Variants in LRP5 observed in about 807,000 individuals in gnomAD.
LRP5 encodes the protein LDL receptor related protein 5, also known as low-density lipoprotein receptor-related protein 5.
In LRP5, 62 loss-of-function variants were observed where a neutral mutation model predicts 154.1. That is an observed-to-expected ratio of 0.40 (90% CI 0.33 to 0.50). LRP5 has a LOEUF of 0.50. Ranked by LOEUF, LRP5 falls within the 20% of genes least tolerant of loss-of-function variation. The pLI is 0.55. For missense variants in LRP5, 1,915 were observed against 2,336.7 expected, an observed-to-expected ratio of 0.82 and a Z score of 3.72; for synonymous variants, 966 against 1,011.5, an observed-to-expected ratio of 0.96 and a Z score of 0.85.
At position 68,369,387 on chromosome 11, in the gene LRP5, G is replaced by A. The variant is rs138778841; in HGVS notation, c.1015+3685G>A. ...TCTGCTGGGGATGTCTGCCTTGGGA[G>A]AGCAATGGGCATGTAGGAAGCAGGT... On this transcript the variant is annotated intron_variant, in intron 5 of 22. Transcript: ENST00000294304. Among the ~76,000 whole-genome samples, 51 of 152,232 alleles carry A rather than the reference G, an allele frequency of 3.4e-4. No homozygotes were observed. In the East Asian group the frequency reaches 7.5e-3, roughly 23 times the overall value.
rs558565856 is a variant in LRP5 at position 68,447,577 on chromosome 11, C to T, written c.4586+1044C>T. On this transcript the variant is annotated intron_variant, in intron 22 of 22. Coordinates refer to ENST00000294304, the MANE Select transcript of LRP5 (RefSeq NM_002335.4). This position sits in a 1 kb window ranked among gnomAD's most constrained non-coding sequence, Gnocchi z 4.3. ...GAATGGTCACATCCACACTGGGCAG[C>T]CCAGTCTCGCTAGTTCCTCGTCCCA... Among the ~76,000 whole-genome samples, 8 of 152,308 alleles carry T rather than the reference C, an allele frequency of 5.3e-5. No individual in the cohort carries two copies. The highest frequency in any genetic ancestry group is 1.3e-4 in the Admixed American group (2 of 15,300).
intron 21 of LRP5, among the ~76,000 whole-genome samples, chr11:68,442,008 G>GCA (rs199671621): frequency 6.6e-6 from 1 of 152,236 alleles, no homozygotes; most frequent in East Asian, 1.9e-4. Flanking sequence ...CGCCAAGCAG[G>GCA]ACTCCCTGGG....
chr11:68,422,782 A>T (rs2098666558), intron 13 of LRP5, among the ~76,000 whole-genome samples: 1 of 87,858 alleles, frequency 1.1e-5, no homozygotes, highest in Non-Finnish European at 2.3e-5. Context: ...CTACCCCCAC[A>T]TCTGTACCGA....
intron 9 of LRP5, among the ~76,000 whole-genome samples, chr11:68,408,001 T>C (rs2098656725): frequency 6.6e-6 from 1 of 152,248 alleles, no homozygotes; most frequent in African/African-American, 2.4e-5. Flanking sequence ...AAAAGTGTGC[T>C]GACCTCTGTT....
intron 1 of LRP5, among the ~76,000 whole-genome samples, chr11:68,320,063 AG>A (rs1433570005): frequency 1.3e-5 from 2 of 152,168 alleles, no homozygotes; most frequent in African/African-American, 4.8e-5. Flanking sequence ...TGAAAGGCTG[AG>A]GTGGGAAAAT....
chr11:68,379,417 C>T (rs1050730954), intron 5 of LRP5, among the ~76,000 whole-genome samples: 15 of 152,170 alleles, frequency 9.9e-5, no homozygotes, highest in Non-Finnish European at 1.8e-4. Flanking sequence ...CTGGGGTCCG[C>T]GGTTCCCGGG....
At chr11:68,350,967 C>G (rs769818985) in intron 2 of LRP5, among the ~76,000 whole-genome samples, 21 of 152,164 alleles carry the variant, frequency 1.4e-4, no homozygotes, top group Non-Finnish European at 2.4e-4. Context: ...TGTGTGCATG[C>G]ATGCGTGTGA....
intron 7 of LRP5, among the ~76,000 whole-genome samples, chr11:68,401,757 C>T (rs909507155): frequency 3.3e-5 from 5 of 152,116 alleles, no homozygotes; most frequent in Non-Finnish European, 7.4e-5. Flanking sequence ...GGCATGATCT[C>T]GGCTCACTGC....
At chr11:68,335,073 G>T (rs938568087) in intron 1 of LRP5, among the ~76,000 whole-genome samples, 1 of 136,196 alleles carries the variant, frequency 7.3e-6, no homozygotes, top group Admixed American at 7.4e-5. Flanking sequence ...ACCTGACCTG[G>T]CTTTTTTTTT....
At chr11:68,327,955 C>A (rs551637093) in intron 1 of LRP5, among the ~76,000 whole-genome samples, 1 of 152,318 alleles carries the variant, frequency 6.6e-6, no homozygotes, top group African/African-American at 2.4e-5. Context: ...AAACTTGATT[C>A]CAAGGAAATC....
Position 68,389,909 on chromosome 11 carries a change from A to T in LRP5, c.1441A>T (p.Asn481Tyr). ...CATGTACTGGACAGACTGGGGAGAG[A>T]ACCCTAAAATCGAGTGTGCCAACTT... ...GLMYWTDWGE[N>Y]PKIECANLDG... Residue 481 changes from asparagine (N) to tyrosine (Y), a missense_variant, in exon 7 of 23, where the codon AAC becomes TAC. Asn to Tyr is a moderately radical substitution (Grantham distance 143, BLOSUM62 -2). Transcript: ENST00000294304. 16 of 1,614,236 alleles carry T rather than the reference A, an allele frequency of 9.9e-6. No homozygotes were observed. Among genetic ancestry groups the T allele is most frequent in the Non-Finnish European group, 1.4e-5 (16 of 1,180,052 alleles).
chr11:68,407,923 G>A (rs369779333), intron 9 of LRP5, among the ~76,000 whole-genome samples: 6 of 152,186 alleles, frequency 3.9e-5, no homozygotes, highest in Non-Finnish European at 8.8e-5. Context: ...TTGTTCTGCC[G>A]AGATGAGTTG....
the LRP5 span, among the ~76,000 whole-genome samples, chr11:68,302,322 G>A: frequency 0.036 from 4,771 of 131,114 alleles, 246 homozygotes; most frequent in African/African-American, 0.13. Context: ...CTCCAGCCCT[G>A]ATGACAGAGC....
intron 8 of LRP5, among the ~76,000 whole-genome samples, chr11:68,404,739 G>A (rs972304747): frequency 1.3e-5 from 2 of 152,098 alleles, no homozygotes; most frequent in Admixed American, 1.3e-4. Flanking sequence ...GGGAGGCCGA[G>A]GCGGGTGGAT....
chr11:68,303,445 A>G, the LRP5 span, among the ~76,000 whole-genome samples: 2 of 152,220 alleles, frequency 1.3e-5, no homozygotes, highest in Non-Finnish European at 2.9e-5. Context: ...AAGTTTGAAC[A>G]TAAGAGGGAT....
rs759063931 is a variant in LRP5, at chr11:68,348,162, A to C, written c.407A>C (p.Asn136Thr). 2.9e-5 allele frequency: 47 copies of C among 1,613,744 alleles called. No homozygotes were observed. Among genetic ancestry groups the C allele is most frequent in the Middle Eastern group, 3.3e-4 (2 of 6,084 alleles). ...GAGACCAACCGCATCGAGGTGGCCAACCTCAATGGCACATCCCGGAAGGTG... is the reference window on the plus strand; with the variant it reads ...GAGACCAACCGCATCGAGGTGGCCACCCTCAATGGCACATCCCGGAAGGTG... ...DSETNRIEVA[N>T]LNGTSRKVLF... is the part of the protein sequence containing the mutation. The change falls in exon 2 of 23, where the codon AAC becomes ACC. Residue 136 changes from asparagine to threonine, a missense_variant. Around this residue, in one of 3 missense-constraint regions of LRP5, gnomAD observed 773 missense variants for 1,100.9 expected, o/e 0.70. Transcript: ENST00000294304.
intron 5 of LRP5, among the ~76,000 whole-genome samples, chr11:68,384,749 C>T (rs2153151915): frequency 6.6e-6 from 1 of 152,148 alleles, no homozygotes; most frequent in Non-Finnish European, 1.5e-5. Context: ...GAGGGTGGGC[C>T]ACGGGGGTTC....
intron 1 of LRP5, among the ~76,000 whole-genome samples, chr11:68,318,593 C>T (rs1484062485): frequency 2.0e-5 from 3 of 152,172 alleles, no homozygotes; most frequent in African/African-American, 7.2e-5. Flanking sequence ...CCCACCTCAG[C>T]CTCCCAAAGT....
chr11:68,362,714 G>A (rs1439101316), intron 3 of LRP5, among the ~76,000 whole-genome samples: 9 of 150,254 alleles, frequency 6.0e-5, no homozygotes, highest in Non-Finnish European at 1.0e-4. Context: ...AAAAGTAAAC[G>A]TATGTCCTGT....
Sources: gnomAD v4.1 joint callset for allele counts (sites outside exome capture counted in the v4.1 genomes callset) on GRCh38, gnomAD v4.1.1 for gene constraint, gnomAD v4.1.1 regional missense constraint, Gnocchi (gnomAD v3.1) non-coding constraint, MANE v1.5 for transcripts, NCBI Gene and HGNC (gene_info 2026-07-23, HGNC 2026-07-21) for gene names.